The following SOS1 variants were observed in gnomAD, a reference collection of about 807,000 sequenced individuals.
The protein encoded by SOS1 is SOS Ras/Rac guanine nucleotide exchange factor 1.
SOS1 carries 25 observed loss-of-function variants against 157.6 expected under a neutral mutation model. The observed-to-expected ratio is 0.16, with a 90% CI of 0.12 to 0.22. SOS1 has a LOEUF of 0.22. Ranked by LOEUF, SOS1 falls within the 10% of genes least tolerant of loss-of-function variation. The probability of loss-of-function intolerance (pLI) is 1.00; values close to 1 mark genes in which losing one functional copy is unlikely to be tolerated. For synonymous variants in SOS1, 528 were observed against 534.0 expected (o/e 0.99, Z 0.16); for missense variants, 1,237 against 1,599.1 (o/e 0.77, Z 3.86).
chr2:39,105,445 G>A lies in SOS1; in HGVS notation c.87+14891C>T, dbSNP rs1363392767. Among the ~76,000 whole-genome samples, 43 of 152,016 alleles carry A rather than the reference G, an allele frequency of 2.8e-4. 1 individual carries two copies. The highest frequency in any genetic ancestry group is 2.7e-3 in the Admixed American group (41 of 15,262). On this transcript the variant is annotated intron_variant, in intron 1 of 22. Transcript: ENST00000402219. ...AAACTACTTTCTACATACTAGGATT[G>A]ATCATATTTACAGTTGGGCTGCTTA...
At chr2:39,078,587 A>G (rs1047067081) in intron 1 of SOS1, among the ~76,000 whole-genome samples, 11 of 152,182 alleles carry the variant, frequency 7.2e-5, no homozygotes, top group African/African-American at 2.2e-4. Context: ...CAATAGGAGC[A>G]TTAGATTCTC....
chr2:39,004,307 T>A lies in SOS1; in HGVS notation c.2791+2105A>T, dbSNP rs190394095. ...GGTGGTGGGCGCCTGTAGTCCCAGC[T>A]ACTTGGGAGGCTGAGGCAGGAGAAT... On this transcript the variant is annotated intron_variant, in intron 17 of 22. Coordinates refer to ENST00000402219, the MANE Select transcript of SOS1 (RefSeq NM_005633.4). Among the ~76,000 whole-genome samples the A allele has an allele frequency of 3.4e-3, 505 of 147,788 alleles. 3 individuals carry two copies. The highest frequency in any genetic ancestry group is 0.012 in the African/African-American group (480 of 40,228).
At chr2:39,120,236 GAAGA>G (rs1252173264) in intron 1 of SOS1, 96 bp downstream of exon 1, 7 of 1,078,618 alleles carry the variant, frequency 6.5e-6, no homozygotes, top group Middle Eastern at 3.3e-4. Flanking sequence ...GCGAGACCGG[GAAGA>G]AAGACGGCCC....
chr2:39,101,005 TATA>T (rs1672946233), intron 1 of SOS1, among the ~76,000 whole-genome samples: 1 of 152,220 alleles, frequency 6.6e-6, no homozygotes, highest in Admixed American at 6.5e-5. Context: ...TTTGCATTGC[TATA>T]AAGAAATACC....
intron 1 of SOS1, among the ~76,000 whole-genome samples, chr2:39,071,292 C>T (rs1671784090): frequency 6.6e-6 from 1 of 152,174 alleles, no homozygotes; most frequent in Non-Finnish European, 1.5e-5. Context: ...GACTGTTGAA[C>T]CTGGAGGAAT....
Position 39,022,681 on chromosome 2 carries a change from C to G in SOS1, c.1747G>C (p.Glu583Gln). The change falls in exon 10 of 23, where the codon GAA becomes CAA. Residue 583 changes from glutamate (E) to glutamine (Q), a missense_variant. Around this residue, in one of 15 missense-constraint regions of SOS1, gnomAD observed 210 missense variants for 220.2 expected, o/e 0.95. Coordinates refer to ENST00000402219, the MANE Select transcript of SOS1 (RefSeq NM_005633.4). ...TTCTCTTCAAATATAATATTCTCTT[C>G]AGAGTCAGGCTCTGCAAATCTATAA... is the stretch of plus-strand genomic sequence containing the variant. ...DVYRFAEPDS[E>Q]ENIIFEENMQ... is the part of the protein sequence containing the mutation. The G allele has an allele frequency of 6.2e-7, 1 of 1,613,404 alleles. No homozygotes were observed. Among genetic ancestry groups the G allele is most frequent in the Non-Finnish European group, 8.5e-7 (1 of 1,179,396 alleles).
At chr2:39,067,192 T>A (rs1040007785) in intron 2 of SOS1, among the ~76,000 whole-genome samples, 1 of 152,042 alleles carries the variant, frequency 6.6e-6, no homozygotes, top group Non-Finnish European at 1.5e-5. Context: ...AAACAAATTT[T>A]TTTTAGAGAT....
chr2:39,106,317 G>A (rs1454105207), intron 1 of SOS1, among the ~76,000 whole-genome samples: 1 of 152,048 alleles, frequency 6.6e-6, no homozygotes, highest in Non-Finnish European at 1.5e-5. Flanking sequence ...GTGGCCGGGC[G>A]CGGTGGCTCA....
intron 1 of SOS1, among the ~76,000 whole-genome samples, chr2:39,092,398 C>G (rs1672627804): frequency 6.6e-6 from 1 of 152,152 alleles, no homozygotes; most frequent in Non-Finnish European, 1.5e-5. Context: ...TTGGCTGCTT[C>G]TGAACATTCT....
At chr2:39,059,022 G>C (rs993279234) in intron 2 of SOS1, among the ~76,000 whole-genome samples, 1 of 152,004 alleles carries the variant, frequency 6.6e-6, no homozygotes, top group African/African-American at 2.4e-5. Flanking sequence ...CTATTATCTA[G>C]GGGGAATATC....
rs182421727 is a variant in SOS1 at position 39,090,481 on chromosome 2, A to G, written c.88-22728T>C. Among the ~76,000 whole-genome samples, 5 of 152,162 alleles carry G rather than the reference A, an allele frequency of 3.3e-5. No individual in the cohort carries two copies. The East Asian group carries it at 9.7e-4, about 30-fold the overall frequency. On this transcript the variant is annotated intron_variant, in intron 1 of 22. Transcript: ENST00000402219. The stretch of plus-strand genomic sequence containing the variant: ...GAGGCCGAGGTGGGCGGATTACCTG[A>G]GGTCAGGAATTCGAGACTGGCCTGG...
At chr2:39,050,862 T>C (rs942871411) in intron 6 of SOS1, among the ~76,000 whole-genome samples, 13 of 152,320 alleles carry the variant, frequency 8.5e-5, no homozygotes, top group Non-Finnish European at 1.6e-4. Context: ...TAGTCATTCA[T>C]TGACATTTCT....
At chr2:39,049,331 G>A (rs192477786) in intron 6 of SOS1, among the ~76,000 whole-genome samples, 1 of 151,722 alleles carries the variant, frequency 6.6e-6, no homozygotes, top group Non-Finnish European at 1.5e-5. Context: ...CTTGAACTGG[G>A]TCCAGCAAAT....
intron 5 of SOS1, among the ~76,000 whole-genome samples, chr2:39,053,416 G>A (rs1472300256): frequency 1.3e-5 from 2 of 152,072 alleles, no homozygotes; most frequent in African/African-American, 4.8e-5. Context: ...TGATTTTTGT[G>A]TCCTCAGAAA....
chr2:39,069,561 T>A (rs1042326340), intron 1 of SOS1, among the ~76,000 whole-genome samples: 1 of 152,142 alleles, frequency 6.6e-6, no homozygotes. Flanking sequence ...ATTTTTTATT[T>A]TTTTGAGACA....
chr2:39,103,069 A>G (rs1673032568), intron 1 of SOS1, among the ~76,000 whole-genome samples: 1 of 152,242 alleles, frequency 6.6e-6, no homozygotes. Context: ...GAAAAGAACA[A>G]TAACATCTAA....
rs1558454607 is a variant in SOS1 at position 38,985,773 on chromosome 2, G to A, written c.*51C>T. On this transcript the variant is annotated 3_prime_UTR_variant, in exon 23 of 23. Transcript: ENST00000402219. ...TGCTGGCACATTCAGTGCATCCATT[G>A]CCAGCAATGGATTTGGGGCTAGGAA... 2.0e-6 allele frequency: 3 copies of A among 1,491,904 alleles called. No homozygotes were observed. The highest frequency in any genetic ancestry group is 2.7e-5 in the East Asian group (1 of 37,122). The allele number at this position is 1,491,904 out of a possible 1,614,324, so 92.4% of individuals were successfully genotyped here. A position where few individuals can be genotyped will look rare whatever the true frequency, so the allele number is the denominator to read the frequency against.
chr2:38,985,350 T>G lies in SOS1; in HGVS notation c.*474A>C, dbSNP rs984836609. 1 of 190,142 alleles carries G rather than the reference T, an allele frequency of 5.3e-6. No homozygotes were observed. The highest frequency in any genetic ancestry group is 2.4e-5 in the African/African-American group (1 of 42,010). The allele number at this position is 190,142 out of a possible 1,614,324, so 11.8% of individuals were successfully genotyped here. A position where few individuals can be genotyped will look rare whatever the true frequency, so the allele number is the denominator to read the frequency against. On this transcript the variant is annotated 3_prime_UTR_variant, in exon 23 of 23. Transcript: ENST00000402219. ...TTTCCTCACAGTCCTTTGAGTGATT[T>G]TTAAGAAAATATTCTAAAGTAGAAG...
In SOS1 at chr2:39,058,785, A is replaced by C. The variant is rs201352584; in HGVS notation, c.233T>G (p.Phe78Cys). 1.3e-4 allele frequency: 207 copies of C among 1,612,396 alleles called. No homozygotes were observed. Among genetic ancestry groups the C allele is most frequent in the Non-Finnish European group, 1.6e-4 (183 of 1,178,894 alleles). Residue 78 changes from phenylalanine to cysteine, a missense_variant, in exon 3 of 23, where the codon TTC (phenylalanine) becomes TGC (cysteine). Physicochemically the swap from Phe to Cys is radical, Grantham distance 205 (BLOSUM62 -2). Transcript: ENST00000402219. ...TGCCCATTTATCAATTGGATGAGGG[A>C]AACTTTTTTGAACACGTTCCTTGGA... is the stretch of plus-strand genomic sequence containing the variant. ...SDVEERVQKS[F>C]PHPIDKWAIA...
Sources: gnomAD v4.1 joint callset for allele counts (sites outside exome capture counted in the v4.1 genomes callset) on GRCh38, gnomAD v4.1.1 for gene constraint, gnomAD v4.1.1 regional missense constraint, MANE v1.5 for transcripts, NCBI Gene and HGNC (gene_info 2026-07-23, HGNC 2026-07-21) for gene names.